The following GPM6A variants were observed in gnomAD, a reference collection of about 807,000 sequenced individuals.
The protein encoded by GPM6A is glycoprotein M6A.
Under a neutral mutation model 32.1 loss-of-function variants are expected in GPM6A, and 7 were observed. That is an observed-to-expected ratio of 0.22 (90% confidence interval 0.12 to 0.41). The LOEUF (loss-of-function observed/expected upper bound fraction) is 0.41, where lower values mean the gene tolerates loss of function less well. Among genes scored for constraint, GPM6A ranks in the 10% least tolerant of loss-of-function variants. GPM6A has a pLI of 1.00. For synonymous variants in GPM6A, 130 were observed against 123.4 expected (o/e 1.05, Z -0.35); for missense variants, 235 against 347.2 (o/e 0.68, Z 2.57).
intron 1 of GPM6A, among the ~76,000 whole-genome samples, chr4:175,928,089 A>G (rs1738907073): frequency 6.6e-6 from 1 of 152,194 alleles, no homozygotes; most frequent in African/African-American, 2.4e-5. Flanking sequence ...GAGAGAAAAT[A>G]GATTAATAAA....
At chr4:175,689,834 A>G (rs1456162130) in intron 2 of GPM6A, among the ~76,000 whole-genome samples, 1 of 152,184 alleles carries the variant, frequency 6.6e-6, no homozygotes, top group Non-Finnish European at 1.5e-5. Flanking sequence ...TATCTACACT[A>G]GGCTAGTTCT....
rs575875470 is a variant in GPM6A at position 175,926,861 on chromosome 4, T to A, written c.-23+75448A>T. ...ATAATAAAATAAATTGAACGTAGAG[T>A]CAGATCGTCAAATCAGTGCCTTAAC... is the stretch of plus-strand genomic sequence containing the variant. On this transcript the variant is annotated intron_variant, in intron 1 of 7. Coordinates refer to the GPM6A transcript ENST00000280187. Among the ~76,000 whole-genome samples, 5 of 152,168 alleles carry A rather than the reference T, an allele frequency of 3.3e-5. No individual in the cohort carries two copies. The East Asian group carries it at 7.7e-4, about 24-fold the overall frequency.
intron 1 of GPM6A, among the ~76,000 whole-genome samples, chr4:175,861,141 A>G (rs962124960): frequency 2.0e-5 from 3 of 152,140 alleles, no homozygotes; most frequent in Admixed American, 6.6e-5. Context: ...GCATGGTCAA[A>G]GGATATTTCA....
intron 1 of GPM6A, among the ~76,000 whole-genome samples, chr4:175,965,539 T>C (rs1350515881): frequency 6.6e-6 from 1 of 151,406 alleles, no homozygotes; most frequent in Non-Finnish European, 1.5e-5. Flanking sequence ...GATACACCTC[T>C]AGTTAGGTTA....
At chr4:175,920,107 T>C (rs1278319961) in intron 1 of GPM6A, among the ~76,000 whole-genome samples, 3 of 152,254 alleles carry the variant, frequency 2.0e-5, no homozygotes, top group Non-Finnish European at 4.4e-5. Flanking sequence ...TGAGTATGTT[T>C]ATGTCTGTAT....
chr4:175,663,453 A>G (rs1156814164), intron 3 of GPM6A, among the ~76,000 whole-genome samples: 2 of 152,174 alleles, frequency 1.3e-5, no homozygotes, highest in African/African-American at 2.4e-5. Context: ...TAAGAGGTCT[A>G]TTGTACAACA....
intron 1 of GPM6A, among the ~76,000 whole-genome samples, chr4:175,821,310 A>C (rs1735270839): frequency 6.6e-6 from 1 of 152,090 alleles, no homozygotes; most frequent in African/African-American, 2.4e-5. Context: ...CATGCCCTTC[A>C]CTCATTTGCC....
Position 175,663,694 on chromosome 4 carries a change from A to T in GPM6A, c.387+9986T>A, listed in dbSNP as rs992325157. On this transcript the variant is annotated intron_variant, in intron 3 of 6. Transcript: ENST00000393658. ...CAATCAATCAATTGGTAAAATGTAA[A>T]TTTTTTTTTTTTTTTTTGAGATGGA... 4.2e-4 allele frequency among the ~76,000 whole-genome samples: 59 copies of T among 141,416 alleles called. 1 individual carries two copies. The highest frequency in any genetic ancestry group is 1.3e-3 in the South Asian group (6 of 4,488). The allele number at this position is 141,416 out of a possible 152,430, so 92.8% of individuals were successfully genotyped here.
At chr4:175,848,392 T>C (rs909022964) in intron 1 of GPM6A, among the ~76,000 whole-genome samples, 62 of 152,294 alleles carry the variant, frequency 4.1e-4, no homozygotes, top group African/African-American at 1.5e-3. Context: ...AGTTCTTAAA[T>C]GGGAGGCCCT....
intron 1 of GPM6A, among the ~76,000 whole-genome samples, chr4:175,726,159 AT>A (rs11298738): frequency 0.9 from 131,571 of 145,792 alleles, 59,443 homozygotes; most frequent in East Asian, 0.99. Flanking sequence ...CGACCAGCTA[AT>A]TTTTTTTTTT....
At chr4:175,834,309 C>T (rs1417137176) in intron 1 of GPM6A, among the ~76,000 whole-genome samples, 1 of 152,138 alleles carries the variant, frequency 6.6e-6, no homozygotes, top group Non-Finnish European at 1.5e-5. Context: ...AAGACTCCAC[C>T]ATCCCTTAGA....
intron 3 of GPM6A, among the ~76,000 whole-genome samples, chr4:175,653,328 G>A (rs1741908423): frequency 6.6e-6 from 1 of 152,082 alleles, no homozygotes; most frequent in South Asian, 2.1e-4. Context: ...AAATGCCCCA[G>A]TACTTCAGAA....
intron 1 of GPM6A, among the ~76,000 whole-genome samples, chr4:175,949,435 G>A (rs1739728966): frequency 6.6e-6 from 1 of 151,954 alleles, no homozygotes; most frequent in Admixed American, 6.6e-5. Flanking sequence ...GAAGTGCTAG[G>A]ATTACAGACC....
chr4:175,993,545 C>A (rs1160026453), intron 1 of GPM6A, among the ~76,000 whole-genome samples: 1 of 152,150 alleles, frequency 6.6e-6, no homozygotes, highest in Non-Finnish European at 1.5e-5. Context: ...ATACCCTGTT[C>A]TGAACAGATA....
intron 6 of GPM6A, 146 bp downstream of exon 6, chr4:175,639,982 AC>A: frequency 1.4e-6 from 1 of 727,750 alleles, no homozygotes; most frequent in Admixed American, 1.9e-5. Flanking sequence ...TGACTTACTT[AC>A]CCATTGTTTT....
intron 1 of GPM6A, among the ~76,000 whole-genome samples, chr4:175,874,074 G>A (rs1308101551): frequency 1.3e-5 from 2 of 152,108 alleles, no homozygotes; most frequent in African/African-American, 4.8e-5. Context: ...AGTGTAAAAA[G>A]AAAATGGTAA....
intron 1 of GPM6A, among the ~76,000 whole-genome samples, chr4:175,826,733 T>C (rs1037529222): frequency 3.9e-5 from 6 of 152,184 alleles, no homozygotes; most frequent in Admixed American, 1.3e-4. Flanking sequence ...TTCCTGAGTT[T>C]TTTATTAATA....
At chr4:175,763,073 T>C (rs1243657696) in intron 1 of GPM6A, among the ~76,000 whole-genome samples, 2 of 152,216 alleles carry the variant, frequency 1.3e-5, no homozygotes, top group African/African-American at 2.4e-5. Context: ...ATATGTAAAA[T>C]ATATATCTAT....
intron 1 of GPM6A, among the ~76,000 whole-genome samples, chr4:175,827,085 G>T (rs866493199): frequency 6.6e-6 from 1 of 152,256 alleles, no homozygotes; most frequent in Middle Eastern, 3.4e-3. Flanking sequence ...ATTAATTAAA[G>T]CTATTTTACA....
Sources: gnomAD v4.1 joint callset for allele counts (sites outside exome capture counted in the v4.1 genomes callset) on GRCh38, gnomAD v4.1.1 for gene constraint, MANE v1.5 for transcripts, NCBI Gene and HGNC (gene_info 2026-07-23, HGNC 2026-07-21) for gene names.